Variants in KANSL1 observed in about 807,000 individuals in gnomAD.
KANSL1 encodes MLL1/MLL complex subunit KANSL1.
Under a neutral mutation model 103.6 loss-of-function variants are expected in KANSL1, and 22 were observed. The ratio of observed to expected loss-of-function variants is 0.21; its 90% CI spans 0.15 to 0.30. The LOEUF is 0.30. KANSL1 is among the 10% of genes least tolerant of loss of function. The pLI is 1.00. For synonymous variants in KANSL1, 600 were observed against 527.6 expected (o/e 1.14, Z -1.88); for missense variants, 1,337 against 1,399.8 (o/e 0.96, Z 0.72).
chr17:46,179,166 G>A (rs1204979458), intron 1 of KANSL1, among the ~76,000 whole-genome samples: 1 of 152,156 alleles, frequency 6.6e-6, no homozygotes, highest in Admixed American at 6.5e-5. Context: ...TGTCAAATAT[G>A]GGAGCTGGGG....
At chr17:46,116,270 CCTGTA>C (rs2043042734) in intron 2 of KANSL1, among the ~76,000 whole-genome samples, 1 of 152,224 alleles carries the variant, frequency 6.6e-6, no homozygotes, top group Non-Finnish European at 1.5e-5. Context: ...GTGGCTCACG[CCTGTA>C]ATCCCAGCAC....
chr17:46,182,013 A>G (rs561725075), intron 1 of KANSL1, among the ~76,000 whole-genome samples: 28 of 152,328 alleles, frequency 1.8e-4, no homozygotes, highest in African/African-American at 6.7e-4. Flanking sequence ...AGTCACTGTC[A>G]TTCAGTTCAA....
intron 1 of KANSL1, among the ~76,000 whole-genome samples, chr17:46,173,388 T>G (rs377534590): frequency 8.5e-5 from 13 of 152,244 alleles, no homozygotes; most frequent in African/African-American, 2.7e-4. Context: ...TTCATTACCT[T>G]AAGTAATGAC....
intron 4 of KANSL1, among the ~76,000 whole-genome samples, chr17:46,068,740 A>C (rs1323993388): frequency 6.6e-6 from 1 of 152,226 alleles, no homozygotes; most frequent in Non-Finnish European, 1.5e-5. Flanking sequence ...GATGAGAAAG[A>C]ATAGAAAAAG....
intron 1 of KANSL1, among the ~76,000 whole-genome samples, chr17:46,182,223 G>C (rs2046826999): frequency 6.6e-6 from 1 of 152,070 alleles, no homozygotes; most frequent in African/African-American, 2.4e-5. Flanking sequence ...ACTAAGAAGA[G>C]AAAAAGGAGG....
intron 2 of KANSL1, among the ~76,000 whole-genome samples, chr17:46,106,333 C>A (rs958259008): frequency 6.6e-6 from 1 of 152,156 alleles, no homozygotes; most frequent in Non-Finnish European, 1.5e-5. Context: ...GTCTCACGTA[C>A]CTTTATGAAG....
intron 1 of KANSL1, among the ~76,000 whole-genome samples, chr17:46,176,055 T>C (rs960520599): frequency 1.3e-5 from 2 of 152,224 alleles, no homozygotes; most frequent in Middle Eastern, 3.2e-3. Context: ...TGAATGTCAA[T>C]ATGTAGTTGA....
At chr17:46,087,412 T>G (rs563075142) in intron 3 of KANSL1, among the ~76,000 whole-genome samples, 2 of 152,256 alleles carry the variant, frequency 1.3e-5, no homozygotes, top group African/African-American at 4.8e-5. Context: ...AAAAAGAGGC[T>G]GAGCAAATAA....
At chr17:46,105,947 A>ACACAC (rs1396276906) in intron 2 of KANSL1, among the ~76,000 whole-genome samples, 20 of 57,780 alleles carry the variant, frequency 3.5e-4, no homozygotes, top group African/African-American at 1.1e-3. Flanking sequence ...ACACACACAC[A>ACACAC]CCCCCCCAGA....
In KANSL1 at chr17:46,171,489, G is replaced by A; in HGVS notation, c.655C>T (p.His219Tyr). 4 of 1,614,090 alleles carry A rather than the reference G, an allele frequency of 2.5e-6. No homozygotes were observed. Among genetic ancestry groups the A allele is most frequent in the Middle Eastern group, 1.6e-4 (1 of 6,062 alleles). The change falls in exon 2 of 15, where the codon CAC becomes TAC. Residue 219 changes from histidine (H) to tyrosine (Y), a missense_variant. By Grantham distance (83) the His-to-Tyr change is moderately conservative. Transcript: ENST00000432791. ...CTATTATTGCTATACAAAGTTGTGT[G>A]TTCTACATCAAGGCTTCTATGTGGA... ...TLPHRSLDVE[H>Y]TTLYSNNSTA...
chr17:46,157,261 C>T (rs145288147), intron 2 of KANSL1, among the ~76,000 whole-genome samples: 1 of 152,196 alleles, frequency 6.6e-6, no homozygotes, highest in Non-Finnish European at 1.5e-5. Flanking sequence ...AAGGAACAAA[C>T]ATTAAGCTAT....
chr17:46,092,702 GT>G (rs1182576324), intron 3 of KANSL1, among the ~76,000 whole-genome samples: 493 of 33,360 alleles, frequency 0.015, 2 homozygotes, highest in African/African-American at 0.028. Context: ...CTGTTGGGTT[GT>G]TTTTTTTTTT....
intron 1 of KANSL1, among the ~76,000 whole-genome samples, chr17:46,205,371 T>TCC (rs56100120): frequency 3.5e-4 from 52 of 147,464 alleles, no homozygotes; most frequent in Non-Finnish European, 5.2e-4. Context: ...TACAATAGCA[T>TCC]CCCCCCGCCA....
intron 4 of KANSL1, among the ~76,000 whole-genome samples, chr17:46,068,985 G>A (rs1174959517): frequency 6.6e-6 from 1 of 152,130 alleles, no homozygotes; most frequent in Non-Finnish European, 1.5e-5. Context: ...GAGTGCAGTG[G>A]CATGATAGCA....
intron 1 of KANSL1, chr17:46,223,536 G>C (rs1460782086): frequency 2.0e-5 from 3 of 147,918 alleles, no homozygotes; most frequent in Non-Finnish European, 3.1e-5. Context: ...ATCAATCCTA[G>C]GAAGCAAACA....
chr17:46,205,878 GA>G (rs2047950942), intron 1 of KANSL1, among the ~76,000 whole-genome samples: 1 of 151,996 alleles, frequency 6.6e-6, no homozygotes, highest in African/African-American at 2.4e-5. Flanking sequence ...AGAAGTTCAG[GA>G]TCAGACTAGG....
chr17:46,196,299 T>C (rs889116170), upstream of KANSL1: 4 of 452,652 alleles, frequency 8.8e-6, no homozygotes, highest in African/African-American at 4.0e-5. Context: ...GGAATAGTCA[T>C]GTTGACTCTC....
Position 46,171,135 on chromosome 17 carries a change from A to T in KANSL1, c.1009T>A (p.Ser337Thr), listed in dbSNP as rs552020437. Residue 337 changes from serine to threonine, a missense_variant, in exon 2 of 15, where the codon TCC becomes ACC. Around this residue, in one of 2 missense-constraint regions of KANSL1, gnomAD observed 557 missense variants for 476.4 expected, o/e 1.17. Coordinates refer to ENST00000432791, the MANE Select transcript of KANSL1 (RefSeq NM_015443.4). ...KTLSKLPNLE[S>T]LRPRSQLMLT... ...ATCAACTGGCTCCGTGGTCTCAAGG[A>T]TTCCAAGTTTGGCAGTTTGCTCAAA... 4.3e-6 allele frequency: 7 copies of T among 1,614,170 alleles called. No homozygotes were observed. Among genetic ancestry groups the T allele is most frequent in the Non-Finnish European group, 5.1e-6 (6 of 1,180,048 alleles).
At chr17:46,191,352 T>C (rs542482734) in intron 1 of KANSL1, among the ~76,000 whole-genome samples, 23 of 152,334 alleles carry the variant, frequency 1.5e-4, no homozygotes, top group African/African-American at 4.8e-4. Context: ...CTGTAGACAA[T>C]TGAAATTTTC....
Sources: allele counts gnomAD v4.1 joint callset (sites outside exome capture counted in the v4.1 genomes callset), GRCh38; gene constraint gnomAD v4.1.1; regional missense constraint gnomAD v4.1.1; transcripts MANE v1.5; gene names NCBI Gene and HGNC (gene_info 2026-07-23, HGNC 2026-07-21).